ZNF679: variants seen among roughly 807,000 people sequenced by gnomAD.
The protein encoded by ZNF679 is zinc finger protein 679, also known as hypothetical protein MGC42415.
ZNF679 carries 10 observed loss-of-function variants against 13.4 expected under a neutral mutation model. That is an observed-to-expected ratio of 0.75 (90% CI 0.46 to 1.27). The LOEUF (loss-of-function observed/expected upper bound fraction) is 1.27, where lower values mean the gene tolerates loss of function less well. ZNF679 is among the 50% of genes most tolerant of loss of function. ZNF679 has a pLI of 0.00. For synonymous variants in ZNF679, 179 were observed against 162.5 expected, an observed-to-expected ratio of 1.10 and a Z score of -0.77; for missense variants, 525 against 477.8, an observed-to-expected ratio of 1.10 and a Z score of -0.92.
chr7:64,258,426 G>A (rs547048867), intron 2 of ZNF679, among the ~76,000 whole-genome samples: 1 of 152,234 alleles, frequency 6.6e-6, no homozygotes, highest in South Asian at 2.1e-4. Flanking sequence ...GTGCGGGCCG[G>A]GCGTGGTGGC....
chr7:64,259,217 A>G (rs1213165144), intron 2 of ZNF679, among the ~76,000 whole-genome samples: 1 of 152,056 alleles, frequency 6.6e-6, no homozygotes, highest in East Asian at 1.9e-4. Context: ...TGGCCACACC[A>G]TAGCCTTCTA....
At chr7:64,238,706 G>A (rs1787757588) in intron 1 of ZNF679, among the ~76,000 whole-genome samples, 1 of 152,134 alleles carries the variant, frequency 6.6e-6, no homozygotes, top group African/African-American at 2.4e-5. Context: ...ACTTTAGAAT[G>A]AAGTTATTTC....
chr7:64,251,755 A>G (rs1295710905), intron 2 of ZNF679, among the ~76,000 whole-genome samples: 4 of 152,164 alleles, frequency 2.6e-5, no homozygotes, highest in African/African-American at 9.7e-5. Flanking sequence ...TGTCTAGTGA[A>G]TATCATCTCC....
chr7:64,260,983 G>C (rs1213336209), intron 4 of ZNF679, 54 bp downstream of exon 4: 1 of 1,524,600 alleles, frequency 6.6e-7, no homozygotes, highest in Non-Finnish European at 8.9e-7. Context: ...AAAAGTCAAG[G>C]AGGAAGCCAG....
rs776691973 is a variant in ZNF679 at position 64,260,347 on chromosome 7, G to A, written c.166G>A (p.Gly56Ser). 18 of 1,602,510 alleles carry A rather than the reference G, an allele frequency of 1.1e-5. No homozygotes were observed. The East Asian group carries it at 3.4e-4, about 30-fold the overall frequency. ...GAACTACAGAAACCTGGTCTCCCTG[G>A]GTGAGGATAACTTCAATACACAATT... is the stretch of plus-strand genomic sequence containing the variant. ...LENYRNLVSL[G>S]IAVSKPDLIT... The change falls in exon 3 of 5, where the codon GGT (glycine) becomes AGT (serine). Residue 56 changes from glycine (G) to serine (S), a missense_variant and splice_region_variant. Physicochemically the swap from Gly to Ser is moderately conservative, Grantham distance 56 (BLOSUM62 0). Transcript: ENST00000421025.
chr7:64,264,737 G>A (rs892234292), intron 4 of ZNF679, among the ~76,000 whole-genome samples: 12 of 151,928 alleles, frequency 7.9e-5, no homozygotes, highest in African/African-American at 2.9e-4. Flanking sequence ...TGTGTCAGAG[G>A]ACTATGCTTA....
chr7:64,261,034 G>C, intron 4 of ZNF679, 105 bp downstream of exon 4: 1 of 1,194,992 alleles, frequency 8.4e-7, no homozygotes. Context: ...TCCATGGAAA[G>C]AGTTTCTAAG....
rs780897530 is a variant in ZNF679 at position 64,266,292 on chromosome 7, C to T, written c.659C>T (p.Pro220Leu). 2.5e-6 allele frequency: 4 copies of T among 1,604,246 alleles called. No homozygotes were observed. Among genetic ancestry groups the T allele is most frequent in the East Asian group, 2.3e-5 (1 of 44,222 alleles). ...NSYQCEECGK[P>L]FNCSSTLSKH... ...TACCAATGTGAAGAATGCGGCAAACCCTTCAACTGCTCTTCAACCCTTTCT... is the reference window on the plus strand; with the variant it reads ...TACCAATGTGAAGAATGCGGCAAACTCTTCAACTGCTCTTCAACCCTTTCT... The change falls in exon 5 of 5, where the codon CCC becomes CTC. Residue 220 changes from proline (P) to leucine (L), a missense_variant. Physicochemically the swap from Pro to Leu is moderately conservative, Grantham distance 98. Transcript: ENST00000421025.
At chr7:64,231,222 G>C (rs912123614) in intron 1 of ZNF679, among the ~76,000 whole-genome samples, 1 of 152,186 alleles carries the variant, frequency 6.6e-6, no homozygotes, top group Non-Finnish European at 1.5e-5. Context: ...CTTTTCTATT[G>C]TCTTGGTCCA....
At chr7:64,240,859 C>A (rs1787789304) in intron 1 of ZNF679, among the ~76,000 whole-genome samples, 1 of 152,188 alleles carries the variant, frequency 6.6e-6, no homozygotes, top group South Asian at 2.1e-4. Flanking sequence ...CAACAGTGGA[C>A]TAAATCAATG....
intron 1 of ZNF679, among the ~76,000 whole-genome samples, chr7:64,236,991 G>GAAAGAAAGAA (rs776798718): frequency 2.0e-5 from 1 of 51,044 alleles, no homozygotes; most frequent in Non-Finnish European, 3.6e-5. Context: ...AAGAAAGAAA[G>GAAAGAAAGAA]AAAGAAAGAA....
In ZNF679 at chr7:64,230,696, G is replaced by A. The variant is rs370753874; in HGVS notation, c.-91+2044G>A. Among the ~76,000 whole-genome samples the A allele has an allele frequency of 5.9e-5, 9 of 152,246 alleles. No homozygotes were observed. In the South Asian group the frequency reaches 8.3e-4, roughly 14 times the overall value. On this transcript the variant is annotated intron_variant, in intron 1 of 4. Transcript: ENST00000421025. Reference sequence around the variant, plus strand: ...CAAGGTATATGTCACAATCACACCTGCAGGAATGTCCAGAGATTAGATTCA... The same window carrying A: ...CAAGGTATATGTCACAATCACACCTACAGGAATGTCCAGAGATTAGATTCA...
In ZNF679 at chr7:64,260,166, TAGTA is replaced by T. The variant is rs1788055850; in HGVS notation, c.40-51_40-48del. Reference sequence around the variant, plus strand: ...ATAAAAATCTCTGCCTACGGCCACATAGTAAGTGTTTGTGTGTTCATGAGTGTTT... The same window carrying T: ...ATAAAAATCTCTGCCTACGGCCACATAGTGTTTGTGTGTTCATGAGTGTTT... On this transcript the variant is annotated intron_variant, in intron 2 of 4. Coordinates refer to ENST00000421025, the MANE Select transcript of ZNF679 (RefSeq NM_153363.3). 4.0e-6 allele frequency: 6 copies of T among 1,495,066 alleles called. No individual in the cohort carries two copies. In the African/African-American group the frequency reaches 7.0e-5, roughly 18 times the overall value. The allele number at this position is 1,495,066 out of a possible 1,614,324, so 92.6% of individuals were successfully genotyped here.
chr7:64,251,025 A>G (rs1787938017), intron 2 of ZNF679, among the ~76,000 whole-genome samples: 1 of 152,030 alleles, frequency 6.6e-6, no homozygotes, highest in South Asian at 2.1e-4. Flanking sequence ...ATTATTACCT[A>G]TTTGTCCTTT....
intron 1 of ZNF679, among the ~76,000 whole-genome samples, chr7:64,242,303 G>A (rs539739543): frequency 6.6e-6 from 1 of 152,274 alleles, no homozygotes; most frequent in African/African-American, 2.4e-5. Flanking sequence ...TCACCTGTTT[G>A]CTGGTCCCTG....
intron 2 of ZNF679, among the ~76,000 whole-genome samples, chr7:64,253,023 A>T (rs1787962350): frequency 6.6e-6 from 1 of 152,140 alleles, no homozygotes. Context: ...TGGCCCTGTT[A>T]TCTTGATTTC....
At chr7:64,230,826 A>G (rs548230227) in intron 1 of ZNF679, among the ~76,000 whole-genome samples, 32 of 152,332 alleles carry the variant, frequency 2.1e-4, no homozygotes, top group African/African-American at 6.3e-4. Flanking sequence ...CCTGCATGAG[A>G]GCCCCAAGAC....
intron 2 of ZNF679, among the ~76,000 whole-genome samples, chr7:64,257,150 T>G (rs184703888): frequency 6.6e-6 from 1 of 152,344 alleles, no homozygotes; most frequent in Admixed American, 6.5e-5. Flanking sequence ...GCTCTTACTT[T>G]TGGAATTCTT....
Position 64,260,930 on chromosome 7 carries a change from G to C in ZNF679, c.262+1G>C. ...AATGAGATGGTAACCAAACACCCAG[G>C]TAAGTGAGAGTGGATGAAGCGGATG... On this transcript the variant is annotated splice_donor_variant, in intron 4 of 4. Transcript: ENST00000421025. LOFTEE classifies it high-confidence loss of function. 1.9e-6 allele frequency: 3 copies of C among 1,608,388 alleles called. No individual in the cohort carries two copies. Among genetic ancestry groups the C allele is most frequent in the Non-Finnish European group, 2.5e-6 (3 of 1,177,956 alleles).
Sources: allele counts gnomAD v4.1 joint callset (sites outside exome capture counted in the v4.1 genomes callset), GRCh38; gene constraint gnomAD v4.1.1; transcripts MANE v1.5; gene names NCBI Gene and HGNC (gene_info 2026-07-23, HGNC 2026-07-21).